The following TMCC3 variants were observed in gnomAD, a reference collection of about 807,000 sequenced individuals.
TMCC3 encodes transmembrane and coiled-coil domain protein 3.
Under a neutral mutation model 40.2 loss-of-function variants are expected in TMCC3, and 28 were observed. The observed-to-expected ratio is 0.70, with a 90% CI of 0.52 to 0.95. The LOEUF is 0.95. Ranked by LOEUF, TMCC3 falls within the 40% of genes least tolerant of loss-of-function variation. The probability of loss-of-function intolerance (pLI) is 0.00; values close to 1 mark genes in which losing one functional copy is unlikely to be tolerated. For missense variants in TMCC3, 554 were observed against 615.2 expected (o/e 0.90, Z 1.05); for synonymous variants, 255 against 248.5 (o/e 1.03, Z -0.25).
chr12:94,589,016 T>TA (rs1473821655), intron 1 of TMCC3, among the ~76,000 whole-genome samples: 1 of 151,984 alleles, frequency 6.6e-6, no homozygotes, highest in Non-Finnish European at 1.5e-5. Context: ...AGAGATGGAG[T>TA]TTCACAATGT....
intron 1 of TMCC3, among the ~76,000 whole-genome samples, chr12:94,637,398 T>G (rs1281843753): frequency 6.6e-6 from 1 of 152,198 alleles, no homozygotes; most frequent in Non-Finnish European, 1.5e-5. Flanking sequence ...TACATTGAAA[T>G]GGGCTAGGAG....
chr12:94,583,816 G>A (rs2068621734), intron 1 of TMCC3, among the ~76,000 whole-genome samples: 1 of 152,210 alleles, frequency 6.6e-6, no homozygotes, highest in East Asian at 1.9e-4. Context: ...CTCTTTCCAT[G>A]TCAGGTCACT....
chr12:94,612,649 C>A (rs2068823393), intron 1 of TMCC3, among the ~76,000 whole-genome samples: 1 of 152,156 alleles, frequency 6.6e-6, no homozygotes, highest in Non-Finnish European at 1.5e-5. Flanking sequence ...AAAATTGTTT[C>A]TACAGCTACA....
intron 1 of TMCC3, among the ~76,000 whole-genome samples, chr12:94,596,756 T>G (rs1294546553): frequency 6.6e-6 from 1 of 152,128 alleles, no homozygotes; most frequent in African/African-American, 2.4e-5. Context: ...AGCAGCCAAC[T>G]AGGGCAGCCA....
Position 94,569,290 on chromosome 12 carries a change from T to C in TMCC3, c.*2145A>G, listed in dbSNP as rs991688353. The C allele has an allele frequency of 7.2e-5, 11 of 152,286 alleles. No homozygotes were observed. Among genetic ancestry groups the C allele is most frequent in the African/African-American group, 2.7e-4 (11 of 41,474 alleles). 9.4% of individuals were successfully genotyped at this position (152,286 alleles called of 1,614,324 possible). On this transcript the variant is annotated 3_prime_UTR_variant, in exon 4 of 4. Coordinates refer to ENST00000261226, the MANE Select transcript of TMCC3 (RefSeq NM_020698.4). ...CTCAGCACTCAGCCCACGCTGAGTC[T>C]GATGCCCACAGGTAAAGGGTAATGC...
intron 1 of TMCC3, among the ~76,000 whole-genome samples, chr12:94,621,833 A>T (rs1388828735): frequency 6.6e-6 from 1 of 152,146 alleles, no homozygotes; most frequent in African/African-American, 2.4e-5. Flanking sequence ...ATTCACCAGG[A>T]AGAGGCCCCA....
At chr12:94,629,118 C>T (rs556187548) in intron 1 of TMCC3, among the ~76,000 whole-genome samples, 3 of 152,228 alleles carry the variant, frequency 2.0e-5, no homozygotes, top group South Asian at 2.1e-4. Flanking sequence ...AGTATTTCCT[C>T]GGCACAAGGA....
At chr12:94,643,098 AG>A (rs993404652) in intron 1 of TMCC3, among the ~76,000 whole-genome samples, 4 of 152,150 alleles carry the variant, frequency 2.6e-5, no homozygotes, top group African/African-American at 7.2e-5. Context: ...AGGCTGAGAC[AG>A]GGGAATCACT....
chr12:94,637,532 GCTGCATC>G (rs2068966859), intron 1 of TMCC3, among the ~76,000 whole-genome samples: 2 of 152,336 alleles, frequency 1.3e-5, no homozygotes, highest in South Asian at 4.1e-4. Context: ...GTTGTTCAGT[GCTGCATC>G]CTTAGCTCCC....
intron 1 of TMCC3, among the ~76,000 whole-genome samples, chr12:94,641,789 A>G (rs1366191397): frequency 6.6e-6 from 1 of 152,148 alleles, no homozygotes; most frequent in Non-Finnish European, 1.5e-5. Context: ...TCCATGGCTT[A>G]TGCATCTGGC....
chr12:94,640,652 T>C (rs1244410368), intron 1 of TMCC3, among the ~76,000 whole-genome samples: 1 of 152,200 alleles, frequency 6.6e-6, no homozygotes, highest in Non-Finnish European at 1.5e-5. Flanking sequence ...GTCGTAGATG[T>C]GGGAATGACT....
intron 1 of TMCC3, among the ~76,000 whole-genome samples, chr12:94,649,101 G>A (rs539781618): frequency 1.3e-5 from 2 of 152,178 alleles, no homozygotes; most frequent in African/African-American, 4.8e-5. Context: ...ATTGAGATGA[G>A]TGCATGAGGT....
chr12:94,576,212 T>C (rs1383149945), intron 3 of TMCC3, among the ~76,000 whole-genome samples: 1 of 152,196 alleles, frequency 6.6e-6, no homozygotes, highest in African/African-American at 2.4e-5. Flanking sequence ...GGGGCAGAAT[T>C]TCCCATCAGC....
intron 1 of TMCC3, among the ~76,000 whole-genome samples, chr12:94,613,680 G>A (rs943815815): frequency 6.6e-6 from 1 of 152,044 alleles, no homozygotes; most frequent in African/African-American, 2.4e-5. Context: ...GCTCAATCAG[G>A]GAAGGTCACA....
chr12:94,578,858 C>T (rs1401700559), intron 2 of TMCC3, among the ~76,000 whole-genome samples: 1 of 152,122 alleles, frequency 6.6e-6, no homozygotes, highest in African/African-American at 2.4e-5. Context: ...GGAGACAGGG[C>T]TCTGTGGGAT....
intron 1 of TMCC3, among the ~76,000 whole-genome samples, chr12:94,647,555 C>T (rs1295066284): frequency 6.6e-6 from 1 of 152,176 alleles, no homozygotes; most frequent in Non-Finnish European, 1.5e-5. Context: ...CCATGACCCC[C>T]TAGTTCTCAT....
At chr12:94,595,837 C>T (rs973011439) in intron 1 of TMCC3, among the ~76,000 whole-genome samples, 1 of 146,240 alleles carries the variant, frequency 6.8e-6, no homozygotes, top group African/African-American at 2.6e-5. Context: ...TTAGTTGTAT[C>T]AAAATAATAT....
intron 1 of TMCC3, among the ~76,000 whole-genome samples, chr12:94,638,283 T>G (rs778110819): frequency 6.6e-6 from 1 of 152,310 alleles, no homozygotes; most frequent in Non-Finnish European, 1.5e-5. Context: ...ACGTGGGACA[T>G]GCTCTTTCCC....
intron 1 of TMCC3, among the ~76,000 whole-genome samples, chr12:94,605,707 G>T (rs183104613): frequency 1.3e-5 from 2 of 152,046 alleles, no homozygotes; most frequent in Admixed American, 6.5e-5. Flanking sequence ...ACTTTCCATC[G>T]GGGGCTAGAT....
Sources: allele counts gnomAD v4.1 joint callset (sites outside exome capture counted in the v4.1 genomes callset), GRCh38; gene constraint gnomAD v4.1.1; transcripts MANE v1.5; gene names NCBI Gene and HGNC (gene_info 2026-07-23, HGNC 2026-07-21).